The following SPTAN1 variants were observed in gnomAD, a reference collection of about 807,000 sequenced individuals.
SPTAN1 encodes the protein spectrin alpha, non-erythrocytic 1.
In SPTAN1, 61 loss-of-function variants were observed where a neutral mutation model predicts 331.3. The observed-to-expected ratio is 0.18, with a 90% CI of 0.15 to 0.23. The LOEUF (loss-of-function observed/expected upper bound fraction) is 0.23, where lower values mean the gene tolerates loss of function less well. SPTAN1 is among the 10% of genes least tolerant of loss of function. The pLI is 1.00. For synonymous variants in SPTAN1, 1,153 were observed against 1,173.9 expected, an observed-to-expected ratio of 0.98 and a Z score of 0.36; for missense variants, 2,043 against 3,147.9, an observed-to-expected ratio of 0.65 and a Z score of 8.40.
chr9:128,630,421 C>A, intron 52 of SPTAN1, 46 bp downstream of exon 52: 1 of 1,597,722 alleles, frequency 6.3e-7, no homozygotes. Flanking sequence ...CTTCACCCAG[C>A]CACCCCCCAG....
chr9:128,633,388 A>G lies in SPTAN1; in HGVS notation c.*54A>G, dbSNP rs1860153244. 6.2e-7 allele frequency: 1 copy of G among 1,611,690 alleles called. No individual in the cohort carries two copies. The highest frequency in any genetic ancestry group is 1.7e-5 in the Admixed American group (1 of 59,996). On this transcript the variant is annotated 3_prime_UTR_variant, in exon 57 of 57. Transcript: ENST00000372739. ...TGCTTGCCCTGCGTCGCCTTGCTGC[A>G]TGTCCGCTCCTCTGTGTGCTCTCAC...
In SPTAN1 at chr9:128,592,516, G is replaced by A. The variant is rs186574182; in HGVS notation, c.3156-467G>A. On this transcript the variant is annotated intron_variant, in intron 22 of 56. Transcript: ENST00000372739. ...TCTCAAACTCCTGACCTCGTGATCC[G>A]CCCGCCTTGGCCTCCCAGAGTGCTG... Among the ~76,000 whole-genome samples the A allele has an allele frequency of 1.1e-4, 16 of 152,208 alleles. No individual in the cohort carries two copies. The East Asian group carries it at 2.1e-3, about 20-fold the overall frequency.
Position 128,607,848 on chromosome 9 carries a change from G to T in SPTAN1, c.4147-4G>T. ...TTACCTAATCCCTTCCCTCCTTTTG[G>T]CAGGAACACCGGACAGAAATCGATG... On this transcript the variant is annotated splice_polypyrimidine_tract_variant and splice_region_variant and intron_variant, in intron 32 of 56. Coordinates refer to ENST00000372739, the MANE Select transcript of SPTAN1 (RefSeq NM_001130438.3). 6.2e-7 allele frequency: 1 copy of T among 1,613,844 alleles called. No homozygotes were observed.
intron 37 of SPTAN1, among the ~76,000 whole-genome samples, chr9:128,610,570 G>GC (rs1856453268): frequency 6.9e-6 from 1 of 144,692 alleles, no homozygotes; most frequent in Non-Finnish European, 1.5e-5. Context: ...TTTTTTTTTT[G>GC]CCCCCCAAAT....
intron 1 of SPTAN1, among the ~76,000 whole-genome samples, chr9:128,557,563 C>T (rs556933371): frequency 6.6e-6 from 1 of 151,118 alleles, no homozygotes; most frequent in African/African-American, 2.4e-5. Context: ...TATTTTTATA[C>T]TCCCAAATTT....
rs745436802 is a variant in SPTAN1, at chr9:128,584,374, C to T, written c.2286C>T (p.Leu762=). Residue 762 remains leucine, a synonymous_variant, in exon 17 of 57, where the codon CTC becomes CTT. Coordinates refer to ENST00000372739, the MANE Select transcript of SPTAN1 (RefSeq NM_001130438.3). ...ACATCAAGAAGAAACAGGAAGCCCT[C>T]GTGGCTCGCTATGAGGCACTCAAGG... is the stretch of plus-strand genomic sequence containing the variant. ...AENIKKKQEA[L]VARYEALKEP... 9 of 1,614,038 alleles carry T rather than the reference C, an allele frequency of 5.6e-6. No individual in the cohort carries two copies. Among genetic ancestry groups the T allele is most frequent in the East Asian group, 4.5e-5 (2 of 44,892 alleles).
At chr9:128,566,686 C>T in intron 1 of SPTAN1, 52 bp from the exon 2 acceptor site, 1 of 1,612,934 alleles carries the variant, frequency 6.2e-7, no homozygotes, top group Non-Finnish European at 8.5e-7. Context: ...AATTACTTTT[C>T]ATCTATTTTG....
intron 25 of SPTAN1, 140 bp from the exon 26 acceptor site, chr9:128,598,823 C>T: frequency 2.6e-6 from 2 of 776,388 alleles, no homozygotes; most frequent in Non-Finnish European, 4.5e-6. Flanking sequence ...ATACTTGAAG[C>T]TCTGCTGGAC....
In SPTAN1 at chr9:128,576,823, G is replaced by T; in HGVS notation, c.652G>T (p.Glu218Ter). The change falls in exon 6 of 57, where the codon GAG (glutamate) becomes TAG (stop). Residue 218 changes from glutamate to a stop codon, truncating the protein, a stop_gained and splice_region_variant. Transcript: ENST00000372739. LOFTEE classifies it high-confidence loss of function. ...VNQFAAKLIQ[E>*]QHPEEELIKT... is the part of the protein sequence containing the mutation. ...CCAGTCTCTTCTCTTCCTTGTTTAG[G>T]AGCAGCACCCTGAGGAGGAACTGAT... The T allele has an allele frequency of 6.2e-7, 1 of 1,613,628 alleles. No homozygotes were observed. The highest frequency in any genetic ancestry group is 1.1e-5 in the South Asian group (1 of 91,048).
rs1426233215 is a variant in SPTAN1, at chr9:128,613,473, A to G, written c.5136A>G (p.Ile1712Met). The change falls in exon 40 of 57, where the codon ATA becomes ATG. Residue 1712 changes from isoleucine to methionine, a missense_variant. Around this residue, in one of 12 missense-constraint regions of SPTAN1, gnomAD observed 323 missense variants for 581.1 expected, o/e 0.56. Coordinates refer to ENST00000372739, the MANE Select transcript of SPTAN1 (RefSeq NM_001130438.3). ...AGCATCAACTGCTGGAAGCAGATAT[A>G]TCTGCCCATGAGGTAAGCAAAGGGA... ...LKKHQLLEAD[I>M]SAHEDRLKDL... 1 of 1,614,068 alleles carries G rather than the reference A, an allele frequency of 6.2e-7. No homozygotes were observed. The highest frequency in any genetic ancestry group is 1.3e-5 in the African/African-American group (1 of 74,944).
In SPTAN1 at chr9:128,627,016, T is replaced by G. The variant is rs1333282532; in HGVS notation, c.6576+329T>G. 8 of 541,786 alleles carry G rather than the reference T, an allele frequency of 1.5e-5. No individual in the cohort carries two copies. The highest frequency in any genetic ancestry group is 2.1e-5 in the Non-Finnish European group (6 of 284,398). 33.6% of individuals were successfully genotyped at this position (541,786 alleles called of 1,614,324 possible). On this transcript the variant is annotated intron_variant, in intron 49 of 56. Transcript: ENST00000372739. This position sits in a 1 kb window ranked among gnomAD's most constrained non-coding sequence, Gnocchi z 4.9. ...TTTTTGTAGACAGGGTGTTGCTATG[T>G]TGCCCAGGCTGGTCTTCAACTCCTG...
Position 128,629,326 on chromosome 9 carries a change from A to C in SPTAN1, c.6708-995A>C. The C allele has an allele frequency of 2.5e-6, 1 of 392,740 alleles. No individual in the cohort carries two copies. The highest frequency in any genetic ancestry group is 4.5e-6 in the Non-Finnish European group (1 of 223,202). The allele number at this position is 392,740 out of a possible 1,614,324, so 24.3% of individuals were successfully genotyped here. A position where few individuals can be genotyped will look rare whatever the true frequency, so the allele number is the denominator to read the frequency against. ...GGGTCTGTCCTCCCACTGCACCGGC[A>C]CCCAGCCTCCTGCCCCCAGGTCCTG... is the stretch of plus-strand genomic sequence containing the variant. On this transcript the variant is annotated intron_variant, in intron 51 of 56. Transcript: ENST00000372739. This position sits in a 1 kb window ranked among gnomAD's most constrained non-coding sequence, Gnocchi z 4.9.
chr9:128,626,609 C>A lies in SPTAN1; in HGVS notation c.6498C>A (p.Arg2166=), dbSNP rs72758823. ...AELDRQIKSF[R]VASNPYTWFT... ...TGGACCGCCAGATCAAGAGCTTCCGCGTAGCCTCCAACCCCTACACCTGGT... is the reference window on the plus strand; with the variant it reads ...TGGACCGCCAGATCAAGAGCTTCCGAGTAGCCTCCAACCCCTACACCTGGT... Residue 2166 remains arginine (R), a synonymous_variant, in exon 49 of 57, where the codon CGC becomes CGA. Transcript: ENST00000372739. 195 of 1,613,906 alleles carry A rather than the reference C, an allele frequency of 1.2e-4. No individual in the cohort carries two copies. The African/African-American group carries it at 2.3e-3, about 19-fold the overall frequency.
intron 1 of SPTAN1, among the ~76,000 whole-genome samples, chr9:128,564,652 T>C (rs1050835124): frequency 6.6e-6 from 1 of 152,194 alleles, no homozygotes; most frequent in Non-Finnish European, 1.5e-5. Context: ...TTAGGATGTA[T>C]GTACAATTGC....
rs1859341158 is a variant in SPTAN1, at chr9:128,629,559, C to T, written c.6708-762C>T. The T allele has an allele frequency of 1.0e-5, 2 of 196,766 alleles. No homozygotes were observed. The highest frequency in any genetic ancestry group is 2.1e-5 in the Non-Finnish European group (2 of 97,206). The allele number at this position is 196,766 out of a possible 1,614,324, so 12.2% of individuals were successfully genotyped here. ...AAAACCCCACCAAGGCCACACGCAC[C>T]GTGTGATTCGTCCCTGCACGTAACC... On this transcript the variant is annotated intron_variant, in intron 51 of 56. Transcript: ENST00000372739. This position sits in a 1 kb window ranked among gnomAD's most constrained non-coding sequence, Gnocchi z 4.9.
chr9:128,632,434 C>T lies in SPTAN1; in HGVS notation c.6963C>T (p.Asn2321=), dbSNP rs1859910526. The T allele has an allele frequency of 6.2e-7, 1 of 1,614,164 alleles. No homozygotes were observed. Among genetic ancestry groups the T allele is most frequent in the Non-Finnish European group, 8.5e-7 (1 of 1,180,028 alleles). Reference sequence around the variant, plus strand: ...CTAATTTCTGTTTTTCTTCCAGGAACACAACAGGTGTGACTGAGGAGGCCC... The same window carrying T: ...CTAATTTCTGTTTTTCTTCCAGGAATACAACAGGTGTGACTGAGGAGGCCC... ...HNLEQQIQAR[N]TTGVTEEALK... is the part of the protein sequence containing the mutation. Residue 2321 remains asparagine (N), a synonymous_variant, in exon 54 of 57, where the codon AAC becomes AAT. Transcript: ENST00000372739.
Position 128,605,026 on chromosome 9 carries a change from G to GT in SPTAN1, c.3720-8_3720-7insT, listed in dbSNP as rs1564272877. ...GCATTTCTTAACCTGAATGTGTCTCGCCTTTAGAGATGCTGATGAAACCAA... is the reference window on the plus strand; with the variant it reads ...GCATTTCTTAACCTGAATGTGTCTCGTCCTTTAGAGATGCTGATGAAACCAA... On this transcript the variant is annotated splice_polypyrimidine_tract_variant and splice_region_variant and intron_variant, in intron 29 of 56. Transcript: ENST00000372739. The GT allele has an allele frequency of 1.2e-6, 2 of 1,613,878 alleles. No homozygotes were observed.
At position 128,617,229 on chromosome 9, in the gene SPTAN1, ACT is replaced by A. The variant is rs1402353015; in HGVS notation, c.5358-408_5358-407del. Among the ~76,000 whole-genome samples the A allele has an allele frequency of 4.6e-5, 7 of 150,626 alleles. No individual in the cohort carries two copies. The East Asian group carries it at 1.2e-3, about 25-fold the overall frequency. ...ACTTTAGCCTGGGCAACAGAATGAG[ACT>A]CTGTCTCAAAAAAAAAAAAAGTGTG... is the stretch of plus-strand genomic sequence containing the variant. On this transcript the variant is annotated intron_variant, in intron 41 of 56. Transcript: ENST00000372739.
At chr9:128,556,051 C>G (rs909050130) in intron 1 of SPTAN1, among the ~76,000 whole-genome samples, 3 of 152,150 alleles carry the variant, frequency 2.0e-5, no homozygotes, top group African/African-American at 7.2e-5. Context: ...GAAACCCCAT[C>G]TCTACTAAAA....
Sources: gnomAD v4.1 joint callset for allele counts (sites outside exome capture counted in the v4.1 genomes callset) on GRCh38, gnomAD v4.1.1 for gene constraint, gnomAD v4.1.1 regional missense constraint, Gnocchi (gnomAD v3.1) non-coding constraint, MANE v1.5 for transcripts, NCBI Gene and HGNC (gene_info 2026-07-23, HGNC 2026-07-21) for gene names.